The following ZDHHC11 variants were observed in gnomAD, a reference collection of about 807,000 sequenced individuals.
ZDHHC11 encodes the protein palmitoyltransferase ZDHHC11.
A neutral mutation model predicts 51.3 loss-of-function variants in ZDHHC11; 44 were observed. That is an observed-to-expected ratio of 0.86 (90% CI 0.67 to 1.10). ZDHHC11 has a LOEUF of 1.10. Ranked by LOEUF, ZDHHC11 falls within the 50% of genes least tolerant of loss-of-function variation. ZDHHC11 has a pLI of 0.00. For synonymous variants in ZDHHC11, 163 were observed against 222.0 expected (o/e 0.73, Z 2.36); for missense variants, 400 against 537.7 (o/e 0.74, Z 2.53).
rs1185141345 is a variant in ZDHHC11, at chr5:843,846, G to T, written c.504-122C>A. 12 of 519,838 alleles carry T rather than the reference G, an allele frequency of 2.3e-5. No individual in the cohort carries two copies. In the African/African-American group the frequency reaches 4.4e-3, roughly 190 times the overall value. 32.2% of individuals were successfully genotyped at this position (519,838 alleles called of 1,614,324 possible). ...CGGGGTGGGCAGGGGCGGGCGTGGG[G>T]GGCACAGCGGCAGGGGCATGCGGGG... On this transcript the variant is annotated intron_variant, in intron 3 of 12. Coordinates refer to ENST00000283441, the MANE Select transcript of ZDHHC11 (RefSeq NM_024786.3).
At chr5:824,289 T>C (rs1003124461) in intron 8 of ZDHHC11, among the ~76,000 whole-genome samples, 1 of 138,088 alleles carries the variant, frequency 7.2e-6, no homozygotes, top group Non-Finnish European at 1.5e-5. Context: ...TGAGATCCCA[T>C]CTCTTAAGAA....
chr5:824,411 T>C lies in ZDHHC11; in HGVS notation c.1023+753A>G, dbSNP rs1257315059. ...AGGAGTTGGAGGCTGCAGTGAGCCATTATCCCACCACTGCAATCCATGTTG... is the reference window on the plus strand; with the variant it reads ...AGGAGTTGGAGGCTGCAGTGAGCCACTATCCCACCACTGCAATCCATGTTG... On this transcript the variant is annotated intron_variant, in intron 8 of 12. Coordinates refer to ENST00000283441, the MANE Select transcript of ZDHHC11 (RefSeq NM_024786.3). Among the ~76,000 whole-genome samples the C allele has an allele frequency of 1.3e-5, 2 of 151,432 alleles. 1 individual carries two copies. Among genetic ancestry groups the C allele is most frequent in the Non-Finnish European group, 3.0e-5 (2 of 67,700 alleles).
At chr5:856,677 A>G (rs866211257) in intron 1 of ZDHHC11, among the ~76,000 whole-genome samples, 1 of 151,702 alleles carries the variant, frequency 6.6e-6, no homozygotes, top group Non-Finnish European at 1.5e-5. Flanking sequence ...CGTGACAAGT[A>G]CCAGACACCA....
chr5:807,155 G>A lies in ZDHHC11; in HGVS notation c.1182-5991C>T, dbSNP rs372037. ...GAAGCAAACGCCAACAGACTACAGC[G>A]ACAAGCAGTATGGACAGACCTTGGC... On this transcript the variant is annotated intron_variant, in intron 11 of 12. Transcript: ENST00000283441. Among the ~76,000 whole-genome samples the A allele has an allele frequency of 6.6e-4, 99 of 150,706 alleles. 2 individuals are homozygous for A. In the East Asian group the frequency reaches 0.018, roughly 28 times the overall value.
At chr5:855,457 CCA>C (rs1364753084), upstream of ZDHHC11, among the ~76,000 whole-genome samples, 2 of 148,386 alleles carry the variant, frequency 1.3e-5, no homozygotes, top group Admixed American at 6.7e-5. Flanking sequence ...GGCACAGACC[CCA>C]CAGAGGACAG....
chr5:838,135 G>T (rs562617887), intron 5 of ZDHHC11, among the ~76,000 whole-genome samples: 1 of 151,944 alleles, frequency 6.6e-6, no homozygotes, highest in Admixed American at 6.5e-5. Context: ...GCTGAGACAG[G>T]TCACCATCCC....
intron 3 of ZDHHC11, among the ~76,000 whole-genome samples, chr5:846,500 C>T (rs1362550710): frequency 1.4e-5 from 2 of 145,088 alleles, no homozygotes; most frequent in African/African-American, 5.3e-5. Flanking sequence ...TCAGGGGAAA[C>T]AACCTCTCGT....
intron 11 of ZDHHC11, among the ~76,000 whole-genome samples, chr5:806,654 G>A (rs937328706): frequency 6.6e-6 from 1 of 151,256 alleles, no homozygotes; most frequent in Non-Finnish European, 1.5e-5. Context: ...TTTGTATAAA[G>A]AATATATAAA....
rs557012571 is a variant in ZDHHC11 at position 810,550 on chromosome 5, G to A, written c.1181+4211C>T. ...ATGGACTTTCCCCGTGTGGCAAAGC[G>A]TGACATGATTTAAACAAAGTCCCTG... On this transcript the variant is annotated intron_variant, in intron 11 of 12. Transcript: ENST00000283441. Among the ~76,000 whole-genome samples, 460 of 151,148 alleles carry A rather than the reference G, an allele frequency of 3.0e-3. 11 individuals carry two copies. Among genetic ancestry groups the A allele is most frequent in the African/African-American group, 0.011 (436 of 41,128 alleles).
intron 3 of ZDHHC11, among the ~76,000 whole-genome samples, chr5:845,374 A>G (rs565655869): frequency 4.6e-5 from 7 of 152,106 alleles, no homozygotes; most frequent in Admixed American, 1.3e-4. Flanking sequence ...GCGGGTCTCT[A>G]AGACCACAGA....
chr5:838,177 C>T (rs1179884804), intron 5 of ZDHHC11, among the ~76,000 whole-genome samples: 2 of 152,088 alleles, frequency 1.3e-5, no homozygotes, highest in South Asian at 2.1e-4. Context: ...CAGGACAGCT[C>T]AGCAGGCTGG....
intron 10 of ZDHHC11, among the ~76,000 whole-genome samples, chr5:815,428 T>C (rs1031552689): frequency 2.0e-5 from 3 of 151,520 alleles, no homozygotes; most frequent in Non-Finnish European, 4.4e-5. Context: ...TGCTGGCTCA[T>C]ATGATAAGTA....
intron 7 of ZDHHC11, among the ~76,000 whole-genome samples, chr5:830,758 AG>A (rs1457809417): frequency 8.9e-5 from 13 of 146,020 alleles, no homozygotes; most frequent in African/African-American, 3.3e-4. Context: ...TTACCAAAAC[AG>A]CAGGGAACTA....
upstream of ZDHHC11, among the ~76,000 whole-genome samples, chr5:855,559 A>G (rs1160958566): frequency 6.8e-6 from 1 of 147,180 alleles, no homozygotes; most frequent in East Asian, 2.1e-4. Context: ...GACCCCATGG[A>G]GGACAGCAAG....
intron 11 of ZDHHC11, among the ~76,000 whole-genome samples, chr5:803,314 A>C (rs960856948): frequency 6.6e-6 from 1 of 151,406 alleles, no homozygotes; most frequent in African/African-American, 2.4e-5. Flanking sequence ...TGGAAGATTT[A>C]CAGAGACAGA....
At chr5:850,189 C>T (rs542986482) in intron 1 of ZDHHC11, 192 bp downstream of exon 1, 8 of 659,932 alleles carry the variant, frequency 1.2e-5, no homozygotes, top group African/African-American at 1.8e-5. Context: ...CTGTCCTGTC[C>T]TGACCCTAAG....
At chr5:834,907 T>C (rs2150371073) in intron 6 of ZDHHC11, among the ~76,000 whole-genome samples, 1 of 152,086 alleles carries the variant, frequency 6.6e-6, no homozygotes, top group East Asian at 1.9e-4. Flanking sequence ...CTTGTTTTAC[T>C]GACATGTTTA....
chr5:798,549 C>T (rs1456854522), intron 12 of ZDHHC11, among the ~76,000 whole-genome samples: 4 of 150,234 alleles, frequency 2.7e-5, no homozygotes, highest in African/African-American at 4.8e-5. Context: ...TTTATGCCAT[C>T]GGTCTGTATT....
At chr5:855,442 CA>C (rs1362266667), upstream of ZDHHC11, among the ~76,000 whole-genome samples, 9 of 138,914 alleles carry the variant, frequency 6.5e-5, no homozygotes, top group East Asian at 4.5e-4. Context: ...GACAGCGAGC[CA>C]GGGGGCACAG....
Sources: allele counts gnomAD v4.1 joint callset (sites outside exome capture counted in the v4.1 genomes callset), GRCh38; gene constraint gnomAD v4.1.1; transcripts MANE v1.5; gene names NCBI Gene and HGNC (gene_info 2026-07-23, HGNC 2026-07-21).